KLHL12: variants seen among roughly 807,000 people sequenced by gnomAD.
KLHL12 encodes the protein kelch like family member 12.
Under a neutral mutation model 60.8 loss-of-function variants are expected in KLHL12, and 17 were observed. That is an observed-to-expected ratio of 0.28 (90% confidence interval 0.19 to 0.42). KLHL12 has a LOEUF of 0.42. Ranked by LOEUF, KLHL12 falls within the 10% of genes least tolerant of loss-of-function variation. KLHL12 has a pLI of 1.00. For synonymous variants in KLHL12, 220 were observed against 250.9 expected (o/e 0.88, Z 1.16); for missense variants, 468 against 722.3 (o/e 0.65, Z 4.04).
chr1:202,915,748 T>C (rs1412337929), intron 4 of KLHL12, among the ~76,000 whole-genome samples: 3 of 152,224 alleles, frequency 2.0e-5, no homozygotes, highest in Non-Finnish European at 2.9e-5. Flanking sequence ...GGTATGATGG[T>C]TAAACTCCAA....
In KLHL12 at chr1:202,907,857, G is replaced by A. The variant is rs746985573; in HGVS notation, c.832+1153C>T. 8.6e-5 allele frequency among the ~76,000 whole-genome samples: 13 copies of A among 151,346 alleles called. 1 individual carries two copies. Among genetic ancestry groups the A allele is most frequent in the Non-Finnish European group, 1.9e-4 (13 of 67,808 alleles). On this transcript the variant is annotated intron_variant, in intron 6 of 11. Coordinates refer to ENST00000367261, the MANE Select transcript of KLHL12 (RefSeq NM_021633.4). ...CAGGAGGCTAAGGCTGCAGTGAACC[G>A]AGATCACGCCACTGCACTCCACCCT...
At chr1:202,911,452 A>T (rs1660354650) in intron 4 of KLHL12, among the ~76,000 whole-genome samples, 1 of 98,750 alleles carries the variant, frequency 1.0e-5, no homozygotes, top group Admixed American at 1.0e-4. Flanking sequence ...ATATATATAT[A>T]TGTATCTCTC....
chr1:202,927,392 G>T, upstream of KLHL12: 1 of 506,078 alleles, frequency 2.0e-6, no homozygotes, highest in Non-Finnish European at 2.5e-6. Flanking sequence ...ATTACAAAAA[G>T]GTCGGGTGGG....
At chr1:202,904,418 C>A (rs1015123738) in intron 6 of KLHL12, among the ~76,000 whole-genome samples, 11 of 152,092 alleles carry the variant, frequency 7.2e-5, no homozygotes, top group African/African-American at 2.7e-4. Context: ...ATTTCTTCCA[C>A]TATTTTGTGC....
intron 5 of KLHL12, 84 bp downstream of exon 5, chr1:202,910,970 C>A: frequency 6.8e-7 from 1 of 1,475,538 alleles, no homozygotes; most frequent in African/African-American, 1.4e-5. Context: ...TCTGTGCCTA[C>A]ATTAAAATAC....
At chr1:202,924,131 TA>T (rs1028505631) in intron 2 of KLHL12, among the ~76,000 whole-genome samples, 4 of 152,242 alleles carry the variant, frequency 2.6e-5, no homozygotes, top group Non-Finnish European at 5.9e-5. Context: ...TCAGCAGCCT[TA>T]CTATACATTT....
In KLHL12 at chr1:202,893,441, G is replaced by A. The variant is rs766399420; in HGVS notation, c.1394-16C>T. 6.3e-6 allele frequency: 10 copies of A among 1,597,744 alleles called. No individual in the cohort carries two copies. The highest frequency in any genetic ancestry group is 7.7e-6 in the Non-Finnish European group (9 of 1,168,600). On this transcript the variant is annotated splice_polypyrimidine_tract_variant and intron_variant, in intron 10 of 11. Coordinates refer to ENST00000367261, the MANE Select transcript of KLHL12 (RefSeq NM_021633.4). The surrounding 1 kb of genome is among the most constrained non-coding windows in gnomAD (Gnocchi z 4.1). ...ACTCCTGCACCTGGGGAAAATGAAT[G>A]CATTAGCAAATGTATGGTACTAAGC... is the stretch of plus-strand genomic sequence containing the variant.
chr1:202,910,599 T>G (rs112619286), intron 5 of KLHL12, among the ~76,000 whole-genome samples: 14 of 152,290 alleles, frequency 9.2e-5, no homozygotes, highest in African/African-American at 3.1e-4. Context: ...GAACTTAAGT[T>G]GGAGAAACAC....
Position 202,911,159 on chromosome 1 carries a change from C to T in KLHL12, c.612G>A (p.Val204=). 2 of 1,614,132 alleles carry T rather than the reference C, an allele frequency of 1.2e-6. No individual in the cohort carries two copies. The highest frequency in any genetic ancestry group is 1.7e-6 in the Non-Finnish European group (2 of 1,180,014). Residue 204 remains valine, a synonymous_variant, in exon 5 of 12, where the codon GTG becomes GTA. Coordinates refer to ENST00000367261, the MANE Select transcript of KLHL12 (RefSeq NM_021633.4). ...CTTCCCGCTCTTTCTTGGCATGCTT[C>T]ACCCAGTTGATGACAGCCTCAAAGA... is the stretch of plus-strand genomic sequence containing the variant. ...EPVFEAVINW[V]KHAKKEREES... is the part of the protein sequence containing the mutation.
chr1:202,913,593 A>G (rs989790363), intron 4 of KLHL12, among the ~76,000 whole-genome samples: 16 of 152,188 alleles, frequency 1.1e-4, no homozygotes, highest in Admixed American at 1.0e-3. Context: ...AGAAAAATGA[A>G]CAATCTCACT....
chr1:202,910,008 T>C (rs1454013246), intron 5 of KLHL12, among the ~76,000 whole-genome samples: 1 of 152,216 alleles, frequency 6.6e-6, no homozygotes, highest in African/African-American at 2.4e-5. Flanking sequence ...GACACAGCTC[T>C]AATTAAATGG....
At position 202,893,873 on chromosome 1, in the gene KLHL12, A is replaced by T. The variant is rs560220069; in HGVS notation, c.1393+311T>A. Reference sequence around the variant, plus strand: ...AAGCTCTTGGTGAAGGTAAGTAGCTACTCTTTTGTCCTTATGCATTAGAGA... The same window carrying T: ...AAGCTCTTGGTGAAGGTAAGTAGCTTCTCTTTTGTCCTTATGCATTAGAGA... On this transcript the variant is annotated intron_variant, in intron 10 of 11. Transcript: ENST00000367261. This position sits in a 1 kb window ranked among gnomAD's most constrained non-coding sequence, Gnocchi z 4.1. 6.6e-6 allele frequency among the ~76,000 whole-genome samples: 1 copy of T among 152,258 alleles called. No homozygotes were observed. Among genetic ancestry groups the T allele is most frequent in the East Asian group, 1.9e-4 (1 of 5,192 alleles).
chr1:202,911,404 T>C (rs1660350504), intron 4 of KLHL12, among the ~76,000 whole-genome samples: 1 of 102,754 alleles, frequency 9.7e-6, no homozygotes, highest in Non-Finnish European at 2.4e-5. Context: ...TATAGTCAAT[T>C]TGGGTTAAAA....
chr1:202,903,439 T>C (rs1335991944), intron 6 of KLHL12, among the ~76,000 whole-genome samples: 1 of 123,944 alleles, frequency 8.1e-6, no homozygotes, highest in Non-Finnish European at 1.7e-5. Flanking sequence ...CAAATCTTTA[T>C]TGTTTCTCTC....
chr1:202,918,322 C>T lies in KLHL12; in HGVS notation c.416G>A (p.Arg139Lys), dbSNP rs1368205615. The stretch of plus-strand genomic sequence containing the variant: ...ACAATTGTGGGTTTCAGCAAAATCC[C>T]TAATACCCAGGCAATTAGAAGGGTC... ...QLDPSNCLGI[R>K]DFAETHNCVD... Residue 139 changes from arginine (R) to lysine (K), a missense_variant, in exon 4 of 12, where the codon AGG becomes AAG. Physicochemically the swap from Arg to Lys is conservative, Grantham distance 26 (BLOSUM62 2). Around this residue, in one of 4 missense-constraint regions of KLHL12, gnomAD observed 339 missense variants for 525.0 expected, o/e 0.65. Coordinates refer to ENST00000367261, the MANE Select transcript of KLHL12 (RefSeq NM_021633.4). 1.9e-6 allele frequency: 3 copies of T among 1,614,176 alleles called. No individual in the cohort carries two copies. The highest frequency in any genetic ancestry group is 2.2e-5 in the East Asian group (1 of 44,880).
chr1:202,928,274 C>CAAA, upstream of KLHL12, among the ~76,000 whole-genome samples: 1 of 123,816 alleles, frequency 8.1e-6, no homozygotes. Flanking sequence ...GACTCCGTCT[C>CAAA]AAAAAAAAAA....
At chr1:202,912,390 C>CA (rs1660390029) in intron 4 of KLHL12, 1 of 806,794 alleles carries the variant, frequency 1.2e-6, no homozygotes, top group African/African-American at 1.7e-5. Flanking sequence ...TTCATCCAGC[C>CA]AAAGAAGTCG....
At chr1:202,916,508 G>C (rs1398051480) in intron 4 of KLHL12, among the ~76,000 whole-genome samples, 1 of 152,098 alleles carries the variant, frequency 6.6e-6, no homozygotes, top group Non-Finnish European at 1.5e-5. Context: ...AGCTGGTGTA[G>C]TGGTGGGCGC....
intron 11 of KLHL12, 53 bp from the exon 12 acceptor site, chr1:202,892,712 C>T (rs1480940796): frequency 1.2e-5 from 19 of 1,592,072 alleles, no homozygotes; most frequent in South Asian, 4.5e-5. Context: ...TGCAGTGGCA[C>T]GTGCCTGTAA....
Sources: allele counts gnomAD v4.1 joint callset (sites outside exome capture counted in the v4.1 genomes callset), GRCh38; gene constraint gnomAD v4.1.1; regional missense constraint gnomAD v4.1.1; non-coding constraint Gnocchi (gnomAD v3.1); transcripts MANE v1.5; gene names NCBI Gene and HGNC (gene_info 2026-07-23, HGNC 2026-07-21).